Variants in SIPA1L1 observed in about 807,000 individuals in gnomAD.
SIPA1L1 encodes signal-induced proliferation-associated 1-like protein 1.
SIPA1L1 carries 26 observed loss-of-function variants against 162.7 expected under a neutral mutation model. The ratio of observed to expected loss-of-function variants is 0.16; its 90% CI spans 0.12 to 0.22. The LOEUF is 0.22. Ranked by LOEUF, SIPA1L1 falls within the 10% of genes least tolerant of loss-of-function variation. The pLI is 1.00. For synonymous variants in SIPA1L1, 829 were observed against 837.4 expected (o/e 0.99, Z 0.17); for missense variants, 1,874 against 2,241.0 (o/e 0.84, Z 3.31).
At chr14:71,551,707 C>T (rs926351343) in intron 4 of SIPA1L1, among the ~76,000 whole-genome samples, 1 of 152,174 alleles carries the variant, frequency 6.6e-6, no homozygotes, top group African/African-American at 2.4e-5. Flanking sequence ...CAAGCTTCCT[C>T]ACAGCCCCAC....
chr14:71,592,659 T>C (rs1456556278), intron 5 of SIPA1L1, among the ~76,000 whole-genome samples: 1 of 152,214 alleles, frequency 6.6e-6, no homozygotes, highest in Non-Finnish European at 1.5e-5. Flanking sequence ...GGGAGTACTT[T>C]ACTAAAGTAT....
chr14:71,414,850 T>G (rs561655700), intron 2 of SIPA1L1, among the ~76,000 whole-genome samples: 1 of 152,230 alleles, frequency 6.6e-6, no homozygotes, highest in Non-Finnish European at 1.5e-5. Flanking sequence ...CGAGTGACTG[T>G]ACTGGCTTAC....
chr14:71,557,595 T>A (rs2056454661), intron 4 of SIPA1L1, among the ~76,000 whole-genome samples: 1 of 152,204 alleles, frequency 6.6e-6, no homozygotes, highest in African/African-American at 2.4e-5. Flanking sequence ...GTGGTTCTGT[T>A]ACATTTGGAT....
At chr14:71,508,355 T>G (rs2050845649) in intron 2 of SIPA1L1, among the ~76,000 whole-genome samples, 1 of 152,220 alleles carries the variant, frequency 6.6e-6, no homozygotes, top group Non-Finnish European at 1.5e-5. Context: ...CCCATTTTTC[T>G]CTTGTTTCTT....
intron 15 of SIPA1L1, chr14:71,704,781 C>A (rs577725866): frequency 1.2e-6 from 2 of 1,604,560 alleles, no homozygotes; most frequent in South Asian, 1.1e-5. Flanking sequence ...CATGAATATA[C>A]AGGTAAAATA....
At chr14:71,350,170 G>C (rs1481723127) in intron 2 of SIPA1L1, among the ~76,000 whole-genome samples, 1 of 151,992 alleles carries the variant, frequency 6.6e-6, no homozygotes, top group Non-Finnish European at 1.5e-5. Flanking sequence ...AAAGTGCTGG[G>C]ATTATAGGCG....
At chr14:71,598,360 C>A in intron 5 of SIPA1L1, 1 of 332,904 alleles carries the variant, frequency 3.0e-6, no homozygotes, top group Non-Finnish European at 4.3e-6. Context: ...TCGTAAACTA[C>A]AGGAGGAAAG....
chr14:71,412,865 AT>A (rs2042503642), intron 2 of SIPA1L1, among the ~76,000 whole-genome samples: 1 of 152,226 alleles, frequency 6.6e-6, no homozygotes, highest in Admixed American at 6.5e-5. Flanking sequence ...GCTGTAGATG[AT>A]TACTATTGGG....
chr14:71,351,188 CAGAT>C, intron 2 of SIPA1L1, among the ~76,000 whole-genome samples: 1 of 152,204 alleles, frequency 6.6e-6, no homozygotes, highest in Middle Eastern at 3.4e-3. Flanking sequence ...ATTACATAAA[CAGAT>C]AAATAGTTTT....
At chr14:71,544,713 T>G (rs1390498617) in intron 4 of SIPA1L1, among the ~76,000 whole-genome samples, 1 of 152,152 alleles carries the variant, frequency 6.6e-6, no homozygotes, top group African/African-American at 2.4e-5. Context: ...TTGATAATAC[T>G]GTTCTTTTCC....
At chr14:71,383,118 A>C (rs2040037192) in intron 2 of SIPA1L1, among the ~76,000 whole-genome samples, 1 of 152,228 alleles carries the variant, frequency 6.6e-6, no homozygotes, top group African/African-American at 2.4e-5. Flanking sequence ...AAAATAAATG[A>C]TAATAATGCT....
At chr14:71,673,182 A>C (rs2044714703) in intron 12 of SIPA1L1, among the ~76,000 whole-genome samples, 1 of 152,178 alleles carries the variant, frequency 6.6e-6, no homozygotes. Flanking sequence ...AGTCTTTTCC[A>C]GAAGGGAAAA....
intron 2 of SIPA1L1, among the ~76,000 whole-genome samples, chr14:71,436,704 A>G (rs2044404407): frequency 6.6e-6 from 1 of 151,386 alleles, no homozygotes; most frequent in Non-Finnish European, 1.5e-5. Flanking sequence ...TCTTTTTTAT[A>G]ATTGCCCTCA....
chr14:71,547,363 G>A (rs554823482), intron 4 of SIPA1L1, among the ~76,000 whole-genome samples: 3 of 139,964 alleles, frequency 2.1e-5, no homozygotes, highest in Non-Finnish European at 3.0e-5. Context: ...GCATGATCTC[G>A]GCTTACTGCA....
chr14:71,518,262 C>T (rs989067371), intron 3 of SIPA1L1, among the ~76,000 whole-genome samples: 1 of 149,276 alleles, frequency 6.7e-6, no homozygotes, highest in Non-Finnish European at 1.5e-5. Context: ...TCAGCCTAGG[C>T]AACAGAGGGA....
chr14:71,337,876 G>T (rs1468279661), intron 2 of SIPA1L1, among the ~76,000 whole-genome samples: 1 of 152,132 alleles, frequency 6.6e-6, no homozygotes, highest in African/African-American at 2.4e-5. Flanking sequence ...AGGCCAGGAG[G>T]TCGAGGCTGC....
At chr14:71,327,574 A>G (rs1464191823) in intron 2 of SIPA1L1, among the ~76,000 whole-genome samples, 1 of 152,120 alleles carries the variant, frequency 6.6e-6, no homozygotes, top group Non-Finnish European at 1.5e-5. Flanking sequence ...ATTTTCACCA[A>G]ATTTGACTTT....
intron 2 of SIPA1L1, among the ~76,000 whole-genome samples, chr14:71,406,544 C>T (rs1053354501): frequency 2.0e-5 from 3 of 151,838 alleles, no homozygotes; most frequent in Non-Finnish European, 4.4e-5. Flanking sequence ...TCTTGTGGTC[C>T]CTTGATAAGA....
At chr14:71,584,008 C>T (rs1397081800) in intron 4 of SIPA1L1, among the ~76,000 whole-genome samples, 1 of 152,170 alleles carries the variant, frequency 6.6e-6, no homozygotes, top group African/African-American at 2.4e-5. Flanking sequence ...CTCCAGTGGA[C>T]CCATGCTTCT....
Sources: allele counts gnomAD v4.1 joint callset (sites outside exome capture counted in the v4.1 genomes callset), GRCh38; gene constraint gnomAD v4.1.1; transcripts MANE v1.5; gene names NCBI Gene and HGNC (gene_info 2026-07-23, HGNC 2026-07-21).